PKNOX2: variants seen among roughly 807,000 people sequenced by gnomAD.
PKNOX2 encodes homeobox protein PKNOX2.
In PKNOX2, 14 loss-of-function variants were observed where a neutral mutation model predicts 53.1. The ratio of observed to expected loss-of-function variants is 0.26; its 90% CI spans 0.17 to 0.41. The LOEUF (loss-of-function observed/expected upper bound fraction) is 0.41, where lower values mean the gene tolerates loss of function less well. PKNOX2 is among the 10% of genes least tolerant of loss of function. The probability of loss-of-function intolerance (pLI) is 1.00; values close to 1 mark genes in which losing one functional copy is unlikely to be tolerated. For synonymous variants in PKNOX2, 257 were observed against 242.8 expected, an observed-to-expected ratio of 1.06 and a Z score of -0.54; for missense variants, 496 against 602.8, an observed-to-expected ratio of 0.82 and a Z score of 1.85.
intron 2 of PKNOX2, among the ~76,000 whole-genome samples, chr11:125,291,477 G>A (rs1025068961): frequency 1.3e-5 from 2 of 152,290 alleles, no homozygotes; most frequent in South Asian, 4.2e-4. Context: ...TTAAACCTTA[G>A]GCTAGCCACT....
At chr11:125,406,003 G>GAAAAAAA (rs1346465694) in intron 7 of PKNOX2, among the ~76,000 whole-genome samples, 1 of 152,142 alleles carries the variant, frequency 6.6e-6, no homozygotes, top group African/African-American at 2.4e-5. Flanking sequence ...TCTGGGTGCT[G>GAAAAAAA]AAAAAAGTAA....
At chr11:125,225,609 C>CG (rs574241370) in intron 1 of PKNOX2, among the ~76,000 whole-genome samples, 61 of 152,276 alleles carry the variant, frequency 4.0e-4, no homozygotes, top group African/African-American at 1.4e-3. Context: ...GCACAGCCCA[C>CG]GGTAGCAATG....
intron 6 of PKNOX2, among the ~76,000 whole-genome samples, chr11:125,390,194 A>G (rs1953955836): frequency 6.6e-6 from 1 of 152,218 alleles, no homozygotes; most frequent in African/African-American, 2.4e-5. Flanking sequence ...CAACTGTTTT[A>G]CATATATTAT....
chr11:125,199,565 C>T (rs1355831127), intron 1 of PKNOX2, among the ~76,000 whole-genome samples: 1 of 152,188 alleles, frequency 6.6e-6, no homozygotes, highest in Non-Finnish European at 1.5e-5. Flanking sequence ...CTGGGTTGGC[C>T]AGGTGCTGTG....
At chr11:125,392,177 A>C (rs1954088863) in intron 6 of PKNOX2, among the ~76,000 whole-genome samples, 1 of 152,258 alleles carries the variant, frequency 6.6e-6, no homozygotes, top group African/African-American at 2.4e-5. Context: ...TGGTTTATAA[A>C]GCATGTTTAC....
chr11:125,352,785 C>T lies in PKNOX2; in HGVS notation c.87+1393C>T, dbSNP rs753573563. Among the ~76,000 whole-genome samples, 9 of 152,180 alleles carry T rather than the reference C, an allele frequency of 5.9e-5. No individual in the cohort carries two copies. Among genetic ancestry groups the T allele is most frequent in the Non-Finnish European group, 1.3e-4 (9 of 68,030 alleles). ...TACTTCCCCAGCTCTCCCAGCCTAA[C>T]CCCATCCTCAGCGAGCCCTCTGCTC... On this transcript the variant is annotated intron_variant, in intron 4 of 12. Coordinates refer to ENST00000298282, the MANE Select transcript of PKNOX2 (RefSeq NM_001382323.2). The surrounding 1 kb of genome is among the most constrained non-coding windows in gnomAD (Gnocchi z 4.1).
At chr11:125,428,091 A>C (rs1021699683) in intron 10 of PKNOX2, among the ~76,000 whole-genome samples, 2 of 152,140 alleles carry the variant, frequency 1.3e-5, no homozygotes, top group Admixed American at 1.3e-4. Context: ...TTCACTCAGC[A>C]GGCATTTGTA....
At chr11:125,340,858 T>C (rs1950645240) in intron 3 of PKNOX2, among the ~76,000 whole-genome samples, 1 of 152,050 alleles carries the variant, frequency 6.6e-6, no homozygotes, top group South Asian at 2.1e-4. Flanking sequence ...GAGACCAGCC[T>C]GGTCAACATG....
In PKNOX2 at chr11:125,335,961, C is replaced by T. The variant is rs143558514; in HGVS notation, c.-23+4036C>T. On this transcript the variant is annotated intron_variant, in intron 3 of 12. Transcript: ENST00000298282. ...CTTGAAGGTAGGGACTACATGTTAC[C>T]GGTTTTGCTGTTTATTATAACACAG... is the stretch of plus-strand genomic sequence containing the variant. 1.2e-4 allele frequency among the ~76,000 whole-genome samples: 18 copies of T among 152,240 alleles called. 1 individual carries two copies. In the East Asian group the frequency reaches 1.9e-3, roughly 16 times the overall value.
chr11:125,371,912 C>T (rs1469939251), intron 5 of PKNOX2, among the ~76,000 whole-genome samples: 6 of 152,136 alleles, frequency 3.9e-5, no homozygotes, highest in Non-Finnish European at 8.8e-5. Context: ...CTGCCTGTCT[C>T]CTTTGTGGCA....
intron 8 of PKNOX2, chr11:125,410,575 C>T (rs184127527): frequency 1.0e-4 from 68 of 652,586 alleles, no homozygotes; most frequent in Middle Eastern, 8.4e-4. Flanking sequence ...GTCCCTTCCC[C>T]GAAGCACCTC....
chr11:125,256,759 G>A (rs753873820), intron 2 of PKNOX2, among the ~76,000 whole-genome samples: 1 of 152,098 alleles, frequency 6.6e-6, no homozygotes, highest in Non-Finnish European at 1.5e-5. Flanking sequence ...GATCAATCCC[G>A]CTGCTCTTCT....
intron 2 of PKNOX2, among the ~76,000 whole-genome samples, chr11:125,292,677 G>A (rs928718420): frequency 3.9e-5 from 6 of 152,180 alleles, no homozygotes; most frequent in Non-Finnish European, 7.3e-5. Context: ...TTTCACTCAC[G>A]AGGCTGGCTG....
chr11:125,269,598 G>A (rs534380051), intron 2 of PKNOX2, among the ~76,000 whole-genome samples: 2 of 152,298 alleles, frequency 1.3e-5, no homozygotes, highest in East Asian at 3.9e-4. Context: ...ACTCTCAGCT[G>A]TTTCTTCTTT....
chr11:125,182,308 C>T (rs560184059), intron 1 of PKNOX2, among the ~76,000 whole-genome samples: 1 of 152,272 alleles, frequency 6.6e-6, no homozygotes, highest in African/African-American at 2.4e-5. Context: ...AAGGCTCATG[C>T]ACCCACTAAA....
chr11:125,252,275 C>T (rs538392529), intron 2 of PKNOX2, among the ~76,000 whole-genome samples: 15 of 152,110 alleles, frequency 9.9e-5, no homozygotes, highest in African/African-American at 3.4e-4. Flanking sequence ...TCAGGAGCAT[C>T]GTGTGGGACA....
chr11:125,396,352 T>A (rs1954400349), intron 6 of PKNOX2, among the ~76,000 whole-genome samples: 1 of 152,188 alleles, frequency 6.6e-6, no homozygotes, highest in Non-Finnish European at 1.5e-5. Context: ...TAGTTTTCTG[T>A]CTTACATTTA....
At chr11:125,318,273 A>ATTTTTTTTTTTTTTTTTTTTTTTTTT in intron 2 of PKNOX2, among the ~76,000 whole-genome samples, 1 of 133,426 alleles carries the variant, frequency 7.5e-6, no homozygotes, top group Admixed American at 7.5e-5. Context: ...TGCCTGGCTA[A>ATTTTTTTTTTTTTTTTTTTTTTTTTT]TTTTTTTTTT....
chr11:125,239,296 C>T (rs1302979072), intron 2 of PKNOX2, among the ~76,000 whole-genome samples: 1 of 152,194 alleles, frequency 6.6e-6, no homozygotes, highest in East Asian at 1.9e-4. Flanking sequence ...TATACTGCTG[C>T]AGAGGAGCTA....
Sources: gnomAD v4.1 joint callset for allele counts (sites outside exome capture counted in the v4.1 genomes callset) on GRCh38, gnomAD v4.1.1 for gene constraint, Gnocchi (gnomAD v3.1) non-coding constraint, MANE v1.5 for transcripts, NCBI Gene and HGNC (gene_info 2026-07-23, HGNC 2026-07-21) for gene names.